Variants in NKAIN3 observed in about 807,000 individuals in gnomAD.
NKAIN3 encodes the protein sodium/potassium transporting ATPase interacting 3, also known as sodium/potassium-transporting ATPase subunit beta-1-interacting protein 3.
NKAIN3 carries 25 observed loss-of-function variants against 30.2 expected under a neutral mutation model. The observed-to-expected ratio is 0.83, with a 90% confidence interval of 0.60 to 1.16. The LOEUF (loss-of-function observed/expected upper bound fraction) is 1.16, where lower values mean the gene tolerates loss of function less well. Among genes scored for constraint, NKAIN3 ranks in the 50% most tolerant of loss-of-function variants. The probability of loss-of-function intolerance (pLI) is 0.00; values close to 1 mark genes in which losing one functional copy is unlikely to be tolerated. For missense variants in NKAIN3, 225 were observed against 254.1 expected (o/e 0.89, Z 0.78); for synonymous variants, 91 against 89.6 (o/e 1.02, Z -0.09).
intron 4 of NKAIN3, among the ~76,000 whole-genome samples, chr8:62,877,937 G>C (rs1416543248): frequency 6.6e-6 from 1 of 151,264 alleles, no homozygotes; most frequent in Non-Finnish European, 1.5e-5. Flanking sequence ...CTACTCAGGA[G>C]ACTGATGCAG....
intron 3 of NKAIN3, among the ~76,000 whole-genome samples, chr8:62,619,431 T>G (rs574184552): frequency 1.3e-5 from 2 of 152,168 alleles, no homozygotes; most frequent in African/African-American, 4.8e-5. Flanking sequence ...TTTCTATTGA[T>G]AATAACTCTT....
chr8:62,895,614 T>A (rs527842630), intron 4 of NKAIN3, among the ~76,000 whole-genome samples: 2 of 152,322 alleles, frequency 1.3e-5, no homozygotes, highest in South Asian at 2.1e-4. Context: ...AACTAGCTTT[T>A]GGGGTCTGGA....
chr8:62,889,424 A>G (rs1235203019), intron 4 of NKAIN3, among the ~76,000 whole-genome samples: 1 of 152,094 alleles, frequency 6.6e-6, no homozygotes, highest in Admixed American at 6.6e-5. Context: ...GTTGAACATC[A>G]TAAGAGGTCC....
chr8:62,249,107 T>C lies in NKAIN3; in HGVS notation c.34T>C (p.Cys12Arg). The C allele has an allele frequency of 6.5e-7, 1 of 1,538,936 alleles. No homozygotes were observed. The highest frequency in any genetic ancestry group is 8.7e-7 in the Non-Finnish European group (1 of 1,144,088). The change falls in exon 1 of 7, where the codon TGC (cysteine) becomes CGC (arginine). Residue 12 changes from cysteine (C) to arginine (R), a missense_variant. By Grantham distance (180) the Cys-to-Arg change is radical (BLOSUM62 -3). Coordinates refer to ENST00000623646, the MANE Select transcript of NKAIN3 (RefSeq NM_001304533.3). ...GCCTGRCSLI[C>R]LCALQLVSAL... is the part of the protein sequence containing the mutation. ...CTGCACCGGACGCTGCTCGCTCATC[T>C]GCCTCTGCGCGCTGCAGTTGGTGAG...
At chr8:62,887,506 A>T (rs1339339936) in intron 4 of NKAIN3, among the ~76,000 whole-genome samples, 1 of 151,944 alleles carries the variant, frequency 6.6e-6, no homozygotes, top group Non-Finnish European at 1.5e-5. Flanking sequence ...CACATATTTT[A>T]TACCTTTTGT....
At chr8:62,862,322 A>G (rs1820273275) in intron 4 of NKAIN3, among the ~76,000 whole-genome samples, 1 of 152,188 alleles carries the variant, frequency 6.6e-6, no homozygotes. Context: ...ATATGGAATC[A>G]ATGAATGGAA....
At chr8:62,610,525 CAT>C (rs1811257171) in intron 3 of NKAIN3, among the ~76,000 whole-genome samples, 1 of 152,044 alleles carries the variant, frequency 6.6e-6, no homozygotes, top group East Asian at 1.9e-4. Flanking sequence ...GTCTCTGACA[CAT>C]GTGCTATTGT....
chr8:62,555,591 A>C (rs1369002508), intron 1 of NKAIN3, among the ~76,000 whole-genome samples: 3 of 151,900 alleles, frequency 2.0e-5, no homozygotes, highest in African/African-American at 7.3e-5. Context: ...TAGAATGAGA[A>C]GTTCTCTGTT....
intron 1 of NKAIN3, among the ~76,000 whole-genome samples, chr8:62,259,201 A>G (rs1812353711): frequency 6.6e-6 from 1 of 152,210 alleles, no homozygotes; most frequent in Non-Finnish European, 1.5e-5. Flanking sequence ...ATTTTGGACA[A>G]CAATGAGAAG....
chr8:62,729,595 G>A (rs774554611), intron 3 of NKAIN3, among the ~76,000 whole-genome samples: 4 of 151,892 alleles, frequency 2.6e-5, no homozygotes, highest in Non-Finnish European at 5.9e-5. Flanking sequence ...TTATATAATA[G>A]ACATATGATA....
intron 1 of NKAIN3, among the ~76,000 whole-genome samples, chr8:62,546,321 G>A (rs1003631627): frequency 4.6e-5 from 7 of 152,088 alleles, no homozygotes; most frequent in Admixed American, 3.9e-4. Flanking sequence ...CACCTATGGG[G>A]ACAAAGCTAA....
chr8:62,487,902 T>A (rs1284004788), intron 1 of NKAIN3, among the ~76,000 whole-genome samples: 1 of 152,108 alleles, frequency 6.6e-6, no homozygotes, highest in Non-Finnish European at 1.5e-5. Flanking sequence ...TGACAAAGAG[T>A]AAATCTGCTG....
chr8:62,423,125 T>C (rs1040401701), intron 1 of NKAIN3, among the ~76,000 whole-genome samples: 1 of 152,194 alleles, frequency 6.6e-6, no homozygotes, highest in East Asian at 1.9e-4. Flanking sequence ...AAATCACTTT[T>C]GTTTATATCC....
intron 1 of NKAIN3, among the ~76,000 whole-genome samples, chr8:62,249,600 T>G (rs1009613024): frequency 6.6e-6 from 1 of 152,214 alleles, no homozygotes. Context: ...GCCTCAACTC[T>G]GTTAGTGAAG....
At chr8:62,618,999 T>C (rs746141608) in intron 3 of NKAIN3, among the ~76,000 whole-genome samples, 6 of 152,162 alleles carry the variant, frequency 3.9e-5, no homozygotes, top group Non-Finnish European at 5.9e-5. Context: ...GTTTCCACCA[T>C]GGTGCTGTTG....
At chr8:62,628,406 A>G (rs1019937382) in intron 3 of NKAIN3, among the ~76,000 whole-genome samples, 1 of 152,114 alleles carries the variant, frequency 6.6e-6, no homozygotes, top group Non-Finnish European at 1.5e-5. Context: ...AATTTTGCAC[A>G]TTTTGTCATC....
chr8:62,560,567 T>C (rs946533080), intron 1 of NKAIN3, among the ~76,000 whole-genome samples: 4 of 143,226 alleles, frequency 2.8e-5, no homozygotes. Context: ...GAGACGAAGT[T>C]TCTCTCTTGT....
intron 1 of NKAIN3, among the ~76,000 whole-genome samples, chr8:62,571,819 G>T (rs1041827373): frequency 6.6e-6 from 1 of 152,092 alleles, no homozygotes; most frequent in African/African-American, 2.4e-5. Flanking sequence ...TTACACCATA[G>T]CTGAAACATC....
At chr8:62,861,367 C>T (rs1230814956) in intron 4 of NKAIN3, among the ~76,000 whole-genome samples, 1 of 152,166 alleles carries the variant, frequency 6.6e-6, no homozygotes, top group Admixed American at 6.5e-5. Flanking sequence ...CTTCCAGACC[C>T]ACAAATAATT....
Sources: gnomAD v4.1 joint callset for allele counts (sites outside exome capture counted in the v4.1 genomes callset) on GRCh38, gnomAD v4.1.1 for gene constraint, MANE v1.5 for transcripts, NCBI Gene and HGNC (gene_info 2026-07-23, HGNC 2026-07-21) for gene names.